The following EDARADD variants were observed in gnomAD, a reference collection of about 807,000 sequenced individuals.
EDARADD encodes the protein ectodysplasin-A receptor-associated adapter protein.
Under a neutral mutation model 25.6 loss-of-function variants are expected in EDARADD, and 20 were observed. The ratio of observed to expected loss-of-function variants is 0.78; its 90% confidence interval spans 0.55 to 1.14. The LOEUF (loss-of-function observed/expected upper bound fraction) is 1.14. Ranked by LOEUF, EDARADD falls within the 50% of genes most tolerant of loss-of-function variation. EDARADD has a pLI of 0.00. For synonymous variants in EDARADD, 86 were observed against 94.4 expected, an observed-to-expected ratio of 0.91 and a Z score of 0.52; for missense variants, 225 against 270.1, an observed-to-expected ratio of 0.83 and a Z score of 1.17.
At chr1:236,482,176 G>A in intron 5 of EDARADD, 91 bp from the exon 6 acceptor site, 1 of 1,345,070 alleles carries the variant, frequency 7.4e-7, no homozygotes. Flanking sequence ...TGATGCTTTT[G>A]ACAATTCAGC....
intron 1 of EDARADD, among the ~76,000 whole-genome samples, chr1:236,405,773 CTTTCTTTCTTTCTTT>C (rs1667703693): frequency 6.1e-5 from 4 of 66,038 alleles, no homozygotes; most frequent in Admixed American, 1.7e-4. Flanking sequence ...TTCTTTCTTT[CTTTCTTTCTTTCTTT>C]CTTTTCTTTT....
Position 236,484,708 on chromosome 1 carries a change from GAAAAAA to G in EDARADD, c.*2073_*2078del. On this transcript the variant is annotated 3_prime_UTR_variant, in exon 6 of 6. Coordinates refer to ENST00000334232, the MANE Select transcript of EDARADD (RefSeq NM_145861.4). The surrounding 1 kb of genome is among the most constrained non-coding windows in gnomAD (Gnocchi z 4.1). ...GGAGACAGAGTGAGAGTCCGTCCCA[GAAAAAA>G]AAAAAAAAAAAAAGAACTTCTACAG... The G allele has an allele frequency of 1.6e-4, 24 of 148,396 alleles. No homozygotes were observed. The highest frequency in any genetic ancestry group is 3.9e-4 in the South Asian group (3 of 7,630). 9.2% of individuals were successfully genotyped at this position (148,396 alleles called of 1,614,324 possible).
intron 2 of EDARADD, among the ~76,000 whole-genome samples, chr1:236,411,456 A>G (rs1265618814): frequency 4.0e-5 from 6 of 151,856 alleles, no homozygotes; most frequent in South Asian, 4.2e-4. Flanking sequence ...TCGTTAGCAC[A>G]TGACCATCTT....
At chr1:236,432,111 G>A (rs1046383204) in intron 4 of EDARADD, among the ~76,000 whole-genome samples, 36 of 152,070 alleles carry the variant, frequency 2.4e-4, no homozygotes, top group African/African-American at 8.7e-4. Flanking sequence ...TTACTTTAAC[G>A]ACATGCATAA....
chr1:236,426,184 G>A (rs1205688283), intron 3 of EDARADD, among the ~76,000 whole-genome samples: 1 of 151,982 alleles, frequency 6.6e-6, no homozygotes, highest in Non-Finnish European at 1.5e-5. Flanking sequence ...TCACTGGGTT[G>A]CCCAGGCTGC....
At chr1:236,453,278 C>CTTTTTTTTTTT (rs71672500) in intron 4 of EDARADD, among the ~76,000 whole-genome samples, 1 of 133,884 alleles carries the variant, frequency 7.5e-6, no homozygotes, top group Non-Finnish European at 1.6e-5. Flanking sequence ...TTCTTTTTTT[C>CTTTTTTTTTTT]TTTTTTTTTT....
chr1:236,350,874 G>A (rs1035103430), intron 3 of EDARADD: 1 of 152,162 alleles, frequency 6.6e-6, no homozygotes, highest in Non-Finnish European at 1.5e-5. Context: ...CTCACCCAGT[G>A]TCTTCCTGTT....
intron 3 of EDARADD, among the ~76,000 whole-genome samples, chr1:236,420,495 A>G (rs1431950345): frequency 6.6e-6 from 1 of 152,230 alleles, no homozygotes; most frequent in Non-Finnish European, 1.5e-5. Context: ...AGTTAACACA[A>G]CTTTGGAATG....
intron 4 of EDARADD, among the ~76,000 whole-genome samples, chr1:236,436,457 C>G (rs1353632301): frequency 6.6e-6 from 1 of 151,884 alleles, no homozygotes; most frequent in Non-Finnish European, 1.5e-5. Context: ...CCACTGCACC[C>G]AGCCAAAACT....
Position 236,394,293 on chromosome 1 carries a change from G to T in EDARADD, c.-152G>T, listed in dbSNP as rs879654447. 1.2e-6 allele frequency: 1 copy of T among 801,210 alleles called. No homozygotes were observed. Among genetic ancestry groups the T allele is most frequent in the Non-Finnish European group, 2.1e-6 (1 of 478,006 alleles). 49.6% of individuals were successfully genotyped at this position (801,210 alleles called of 1,614,324 possible). A position where few individuals can be genotyped will look rare whatever the true frequency, so the allele number is the denominator to read the frequency against. ...CCCTTCCTATCCGAAGGCAGACCAA[G>T]AGGAAGTTTATCCTCCCACCTACAA... On this transcript the variant is annotated 5_prime_UTR_variant, in exon 1 of 6. Transcript: ENST00000334232.
intron 4 of EDARADD, among the ~76,000 whole-genome samples, chr1:236,459,987 T>C (rs1316544213): frequency 6.6e-6 from 1 of 152,118 alleles, no homozygotes; most frequent in Non-Finnish European, 1.5e-5. Context: ...GCCTTCCTCT[T>C]CTGTCTGTGC....
chr1:236,420,821 A>AACCT (rs572326029), intron 3 of EDARADD, among the ~76,000 whole-genome samples: 3 of 146,802 alleles, frequency 2.0e-5, no homozygotes, highest in African/African-American at 5.0e-5. Flanking sequence ...GGCTCACTGC[A>AACCT]CTCCTGAGTT....
intron 3 of EDARADD, among the ~76,000 whole-genome samples, chr1:236,382,929 G>T (rs1667317521): frequency 6.6e-6 from 1 of 152,084 alleles, no homozygotes; most frequent in Non-Finnish European, 1.5e-5. Context: ...GTCCTCAAGG[G>T]GGACATTCTA....
chr1:236,377,819 C>T (rs1427545613), intron 3 of EDARADD, among the ~76,000 whole-genome samples: 11 of 151,874 alleles, frequency 7.2e-5, no homozygotes, highest in South Asian at 2.1e-4. Flanking sequence ...GATCGTGCCA[C>T]TGCACTCCAG....
rs184020839 is a variant in EDARADD, at chr1:236,421,315, T to G, written c.161-6077T>G. Reference sequence around the variant, plus strand: ...TGCCTCCTGGTTGTCAGGATGTGATTGGCTTGTTTGAGTTAAGTCCATGGA... The same window carrying G: ...TGCCTCCTGGTTGTCAGGATGTGATGGGCTTGTTTGAGTTAAGTCCATGGA... On this transcript the variant is annotated intron_variant, in intron 3 of 5. Coordinates refer to ENST00000334232, the MANE Select transcript of EDARADD (RefSeq NM_145861.4). Among the ~76,000 whole-genome samples, 423 of 145,426 alleles carry G rather than the reference T, an allele frequency of 2.9e-3. 30 individuals are homozygous for G. The highest frequency in any genetic ancestry group is 9.9e-3 in the African/African-American group (393 of 39,866).
intron 3 of EDARADD, among the ~76,000 whole-genome samples, chr1:236,360,069 C>G (rs1039491306): frequency 6.6e-6 from 1 of 152,044 alleles, no homozygotes; most frequent in African/African-American, 2.4e-5. Flanking sequence ...AATTCCACCA[C>G]TTTGGGAGGC....
At chr1:236,378,008 G>A (rs1478853059) in intron 3 of EDARADD, among the ~76,000 whole-genome samples, 1 of 152,094 alleles carries the variant, frequency 6.6e-6, no homozygotes, top group Non-Finnish European at 1.5e-5. Flanking sequence ...AAGGTGTCGG[G>A]GGAGAGAAGC....
At chr1:236,406,390 T>C (rs900483535) in intron 1 of EDARADD, among the ~76,000 whole-genome samples, 2 of 152,174 alleles carry the variant, frequency 1.3e-5, no homozygotes, top group Non-Finnish European at 2.9e-5. Context: ...CTGTGAGACA[T>C]GCATCACTAC....
At chr1:236,352,048 G>A (rs766357454) in intron 3 of EDARADD, among the ~76,000 whole-genome samples, 4 of 152,156 alleles carry the variant, frequency 2.6e-5, no homozygotes, top group Admixed American at 6.6e-5. Context: ...TCACTCCAGT[G>A]CCATGTTGGG....
Sources: gnomAD v4.1 joint callset for allele counts (sites outside exome capture counted in the v4.1 genomes callset) on GRCh38, gnomAD v4.1.1 for gene constraint, Gnocchi (gnomAD v3.1) non-coding constraint, MANE v1.5 for transcripts, NCBI Gene and HGNC (gene_info 2026-07-23, HGNC 2026-07-21) for gene names.